Variants in FGD2 observed in about 807,000 individuals in gnomAD.
The protein encoded by FGD2 is FYVE, RhoGEF and PH domain containing 2, also known as FYVE, RhoGEF and PH domain-containing protein 2.
In FGD2, 52 loss-of-function variants were observed where a neutral mutation model predicts 75.9. That is an observed-to-expected ratio of 0.69 (90% confidence interval 0.55 to 0.86). The LOEUF is 0.86. Among genes scored for constraint, FGD2 ranks in the 40% least tolerant of loss-of-function variants. The probability of loss-of-function intolerance (pLI) is 0.00; values close to 1 mark genes in which losing one functional copy is unlikely to be tolerated. For missense variants in FGD2, 790 were observed against 872.0 expected (o/e 0.91, Z 1.18); for synonymous variants, 347 against 348.6 (o/e 1.00, Z 0.05).
At chr6:37,019,636 A>C (rs748608642) in intron 9 of FGD2, among the ~76,000 whole-genome samples, 4 of 152,004 alleles carry the variant, frequency 2.6e-5, no homozygotes, top group Non-Finnish European at 5.9e-5. Context: ...TGCTTACAGG[A>C]CTCTGGGGGT....
rs1385990855 is a variant in FGD2 at position 37,013,615 on chromosome 6, T to C, written c.534T>C (p.Ala178=). The C allele has an allele frequency of 1.2e-6, 2 of 1,613,732 alleles. No individual in the cohort carries two copies. Among genetic ancestry groups the C allele is most frequent in the African/African-American group, 2.7e-5 (2 of 75,010 alleles). ...ELQRRLDDWT[A]NPRIGDVIQK... ...CCCTGTGCCCCTCCTGCAGGACAGC[T>C]AACCCCCGCATCGGTGACGTGATCC... Residue 178 remains alanine, a synonymous_variant, in exon 5 of 16, where the codon GCT becomes GCC. Transcript: ENST00000274963.
chr6:37,028,887 G>A lies in FGD2; in HGVS notation c.*724G>A, dbSNP rs1216142789. 2.0e-5 allele frequency: 3 copies of A among 151,952 alleles called. No homozygotes were observed. Among genetic ancestry groups the A allele is most frequent in the African/African-American group, 4.8e-5 (2 of 41,336 alleles). The allele number at this position is 151,952 out of a possible 1,614,324, so 9.4% of individuals were successfully genotyped here. On this transcript the variant is annotated 3_prime_UTR_variant, in exon 16 of 16. Transcript: ENST00000274963. ...ACCTCCCAAAGTGCTGGGATTACAG[G>A]CGTGAGCCACCATACCTGGCGCATG...
rs115776242 is a variant in FGD2 at position 37,020,352 on chromosome 6, G to T, written c.1123-189G>T. ...GAGCCATAGGTTCCATTTGCTTGGAGCGAGGCCCAGTTGCAGGGGCATTTG... is the reference window on the plus strand; with the variant it reads ...GAGCCATAGGTTCCATTTGCTTGGATCGAGGCCCAGTTGCAGGGGCATTTG... On this transcript the variant is annotated intron_variant, in intron 9 of 15. Transcript: ENST00000274963. Among the ~76,000 whole-genome samples the T allele has an allele frequency of 2.8e-3, 428 of 152,300 alleles. 1 individual carries two copies. Among genetic ancestry groups the T allele is most frequent in the African/African-American group, 9.8e-3 (408 of 41,548 alleles).
chr6:37,015,977 G>A, intron 9 of FGD2, 117 bp downstream of exon 9: 2 of 912,480 alleles, frequency 2.2e-6, no homozygotes, highest in South Asian at 1.7e-5. Context: ...GCAGGGCCTG[G>A]GCAAACATGG....
At chr6:37,018,025 G>A (rs754969722) in intron 9 of FGD2, among the ~76,000 whole-genome samples, 9 of 152,192 alleles carry the variant, frequency 5.9e-5, no homozygotes, top group Non-Finnish European at 7.3e-5. Flanking sequence ...GCGTGTGCAG[G>A]CTTGTATGTC....
intron 1 of FGD2, among the ~76,000 whole-genome samples, chr6:37,006,437 A>C (rs1561923243): frequency 6.6e-6 from 1 of 152,076 alleles, no homozygotes; most frequent in Admixed American, 6.6e-5. Context: ...ACAGCCTAAT[A>C]GGGGTAGATT....
Position 37,008,825 on chromosome 6 carries a change from TCTC to T in FGD2, c.69-5_69-3del, listed in dbSNP as rs1351186230. 4.5e-6 allele frequency: 7 copies of T among 1,564,704 alleles called. No individual in the cohort carries two copies. The highest frequency in any genetic ancestry group is 6.1e-6 in the Non-Finnish European group (7 of 1,153,074). ...GGAGGAAGCCCTCAGGTCTGTCTCT[TCTC>T]CTCAGGACCCCAGAAGCAGCACCCA... On this transcript the variant is annotated splice_polypyrimidine_tract_variant and splice_region_variant and intron_variant, in intron 1 of 15. Transcript: ENST00000274963.
chr6:37,026,319 G>A (rs538884856), intron 14 of FGD2: 123 of 985,390 alleles, frequency 1.2e-4, no homozygotes, highest in Non-Finnish European at 1.4e-4. Flanking sequence ...GAACACTGAC[G>A]CTCCAGGTCA....
intron 9 of FGD2, among the ~76,000 whole-genome samples, chr6:37,016,156 G>A (rs765959822): frequency 2.0e-5 from 3 of 152,234 alleles, no homozygotes; most frequent in South Asian, 2.1e-4. Flanking sequence ...TCATGTGTGC[G>A]CGAATCCTCT....
chr6:37,007,527 C>T (rs1344095580), intron 1 of FGD2, among the ~76,000 whole-genome samples: 2 of 152,232 alleles, frequency 1.3e-5, no homozygotes, highest in Non-Finnish European at 2.9e-5. Flanking sequence ...AGGCAATAAC[C>T]CTGGCAGGAG....
chr6:37,014,837 C>T (rs1314795505), intron 7 of FGD2, 55 bp from the exon 8 acceptor site: 6 of 1,609,800 alleles, frequency 3.7e-6, no homozygotes, highest in Non-Finnish European at 5.1e-6. Flanking sequence ...GCAAGCCTTC[C>T]AGAAGCAGGT....
Position 37,015,052 on chromosome 6 carries a change from G to A in FGD2, c.1029+14G>A, listed in dbSNP as rs755045687. 1 of 1,609,216 alleles carries A rather than the reference G, an allele frequency of 6.2e-7. No homozygotes were observed. The highest frequency in any genetic ancestry group is 1.1e-5 in the South Asian group (1 of 90,394). ...TACCTTTTCTTGGTAAGAGGGTGCTGGGAGCTCCTCTCCACACTGGGGAGG... is the reference window on the plus strand; with the variant it reads ...TACCTTTTCTTGGTAAGAGGGTGCTAGGAGCTCCTCTCCACACTGGGGAGG... On this transcript the variant is annotated intron_variant, in intron 8 of 15. Coordinates refer to ENST00000274963, the MANE Select transcript of FGD2 (RefSeq NM_173558.4).
At position 37,021,504 on chromosome 6, in the gene FGD2, C is replaced by CA. The variant is rs1561939278; in HGVS notation, c.1234-7dup. 2.5e-6 allele frequency: 4 copies of CA among 1,612,300 alleles called. No individual in the cohort carries two copies. Among genetic ancestry groups the CA allele is most frequent in the Non-Finnish European group, 3.4e-6 (4 of 1,179,166 alleles). On this transcript the variant is annotated splice_region_variant and splice_polypyrimidine_tract_variant and intron_variant, in intron 11 of 15. Transcript: ENST00000274963. ...CAAGCCCCGACCCTCCCCCTCCCTG[C>CA]ACCCCAGGCCTTCCAAGCAGCCATT... is the stretch of plus-strand genomic sequence containing the variant.
At chr6:37,027,863 G>A (rs1310841360) in intron 15 of FGD2, 85 bp from the exon 16 acceptor site, 7 of 1,448,436 alleles carry the variant, frequency 4.8e-6, no homozygotes, top group African/African-American at 2.8e-5. Context: ...TGAGCTGTGC[G>A]TGCGTGGCTG....
intron 11 of FGD2, among the ~76,000 whole-genome samples, chr6:37,021,082 G>A (rs1235007837): frequency 6.6e-6 from 1 of 151,834 alleles, no homozygotes; most frequent in African/African-American, 2.4e-5. Context: ...GTGTGTATGT[G>A]TGTGTTTGTA....
At chr6:37,014,555 C>T in intron 6 of FGD2, 91 bp from the exon 7 acceptor site, 2 of 1,466,378 alleles carry the variant, frequency 1.4e-6, no homozygotes, top group Non-Finnish European at 1.9e-6. Context: ...ATGGCAGGTC[C>T]TGAGGGCCCT....
intron 11 of FGD2, among the ~76,000 whole-genome samples, chr6:37,021,283 G>C (rs574744615): frequency 6.6e-6 from 1 of 152,194 alleles, no homozygotes; most frequent in Non-Finnish European, 1.5e-5. Flanking sequence ...TTGCCTAGCT[G>C]GGCAGTCCAG....
chr6:37,027,181 G>A (rs371706156), intron 14 of FGD2, among the ~76,000 whole-genome samples: 11 of 152,084 alleles, frequency 7.2e-5, no homozygotes, highest in Admixed American at 1.3e-4. Flanking sequence ...GCACCCTCCC[G>A]GCACCTGCCC....
intron 12 of FGD2, 104 bp downstream of exon 12, chr6:37,021,708 C>A: frequency 9.5e-7 from 1 of 1,056,882 alleles, no homozygotes; most frequent in Non-Finnish European, 1.4e-6. Context: ...GGAGTGTCAT[C>A]TGCCAGGAGA....
Sources: gnomAD v4.1 joint callset for allele counts (sites outside exome capture counted in the v4.1 genomes callset) on GRCh38, gnomAD v4.1.1 for gene constraint, MANE v1.5 for transcripts, NCBI Gene and HGNC (gene_info 2026-07-23, HGNC 2026-07-21) for gene names.